Variants in TENM3 observed in about 807,000 individuals in gnomAD.
TENM3 encodes the protein teneurin transmembrane protein 3.
Under a neutral mutation model 255.1 loss-of-function variants are expected in TENM3, and 63 were observed. The observed-to-expected ratio is 0.25, with a 90% CI of 0.20 to 0.30. The LOEUF is 0.30. Among genes scored for constraint, TENM3 ranks in the 10% least tolerant of loss-of-function variants. The pLI, the probability that TENM3 is intolerant of heterozygous loss-of-function variation, is 1.00. For synonymous variants in TENM3, 1,306 were observed against 1,322.3 expected (o/e 0.99, Z 0.27); for missense variants, 2,929 against 3,461.1 (o/e 0.85, Z 3.86).
intron 3 of TENM3, among the ~76,000 whole-genome samples, chr4:182,456,948 C>T (rs757358267): frequency 1.4e-4 from 21 of 151,994 alleles, no homozygotes; most frequent in Non-Finnish European, 2.8e-4. Flanking sequence ...ATTGGGAGGC[C>T]GAGGCAAGTG....
At chr4:182,471,802 A>G (rs778413762) in intron 3 of TENM3, among the ~76,000 whole-genome samples, 1 of 152,186 alleles carries the variant, frequency 6.6e-6, no homozygotes, top group Non-Finnish European at 1.5e-5. Context: ...AGTACATCAT[A>G]TGTCTTATTC....
intron 4 of TENM3, among the ~76,000 whole-genome samples, chr4:182,602,185 G>A (rs1383894556): frequency 6.6e-6 from 1 of 152,198 alleles, no homozygotes; most frequent in Non-Finnish European, 1.5e-5. Context: ...TCTTCTGTTG[G>A]CAGCTTTGCG....
In TENM3 at chr4:182,524,898, A is replaced by G. The variant is rs559562705; in HGVS notation, c.512-76026A>G. Among the ~76,000 whole-genome samples, 7 of 151,876 alleles carry G rather than the reference A, an allele frequency of 4.6e-5. 1 individual carries two copies. The South Asian group carries it at 1.5e-3, about 32-fold the overall frequency. On this transcript the variant is annotated intron_variant, in intron 3 of 27. Transcript: ENST00000511685. ...AAACTACCTGGGCCTGGTGGCGCGC[A>G]CCTGTGGTACGGTCCCAGCTACACA...
At chr4:182,022,796 T>A in the TENM3 span, among the ~76,000 whole-genome samples, 1 of 152,172 alleles carries the variant, frequency 6.6e-6, no homozygotes, top group Non-Finnish European at 1.5e-5. Context: ...TCATGAAATG[T>A]CAGATTTTGG....
At chr4:182,372,645 T>C (rs1406329623) in intron 3 of TENM3, among the ~76,000 whole-genome samples, 2 of 151,984 alleles carry the variant, frequency 1.3e-5, no homozygotes, top group Non-Finnish European at 2.9e-5. Flanking sequence ...ACCTGTCCCA[T>C]GCTGAACAAA....
the TENM3 span, among the ~76,000 whole-genome samples, chr4:182,027,089 G>A: frequency 2.5e-4 from 38 of 151,872 alleles, no homozygotes; most frequent in African/African-American, 9.2e-4. Context: ...CCAATCCATG[G>A]TGGAAGAATT....
chr4:182,341,496 C>T (rs1472012693), intron 2 of TENM3, among the ~76,000 whole-genome samples: 2 of 152,176 alleles, frequency 1.3e-5, no homozygotes, highest in South Asian at 2.1e-4. Context: ...TATATACAAA[C>T]GAGCTTCCCT....
chr4:181,962,283 G>T, the TENM3 span, among the ~76,000 whole-genome samples: 1 of 152,186 alleles, frequency 6.6e-6, no homozygotes, highest in Non-Finnish European at 1.5e-5. Context: ...CGTCAGCCAG[G>T]ATCCAAATTC....
chr4:182,665,666 C>T lies in TENM3; in HGVS notation c.1112-7339C>T, dbSNP rs556544382. Among the ~76,000 whole-genome samples the T allele has an allele frequency of 4.6e-4, 70 of 152,150 alleles. 1 individual carries two copies. Among genetic ancestry groups the T allele is most frequent in the African/African-American group, 1.6e-3 (66 of 41,528 alleles). On this transcript the variant is annotated intron_variant, in intron 6 of 27. Coordinates refer to ENST00000511685, the MANE Select transcript of TENM3 (RefSeq NM_001080477.4). The stretch of plus-strand genomic sequence containing the variant: ...ATCCCAGCACATTGGGAGGCTGAGG[C>T]GGGCGGATCACGAGGTCAGGAGATC...
chr4:181,476,216 T>TTTTTG, the TENM3 span, among the ~76,000 whole-genome samples: 5 of 151,210 alleles, frequency 3.3e-5, no homozygotes, highest in South Asian at 6.3e-4. Context: ...GTTTTTTTTT[T>TTTTTG]TTTTTTTTGA....
At chr4:182,606,324 G>A (rs1748418483) in intron 4 of TENM3, among the ~76,000 whole-genome samples, 1 of 151,990 alleles carries the variant, frequency 6.6e-6, no homozygotes, top group African/African-American at 2.4e-5. Flanking sequence ...AGGAGTTTGA[G>A]ACCAGCCTGG....
the TENM3 span, among the ~76,000 whole-genome samples, chr4:181,516,586 G>A: frequency 6.6e-6 from 1 of 151,996 alleles, no homozygotes; most frequent in African/African-American, 2.4e-5. Context: ...TTTGAGACCA[G>A]CCTGACCAAC....
chr4:181,966,648 C>A, the TENM3 span, among the ~76,000 whole-genome samples: 85,469 of 151,950 alleles, frequency 0.56, 24,824 homozygotes, highest in African/African-American at 0.69. Flanking sequence ...GTAAAGGCTC[C>A]GAGAATGAAA....
At chr4:181,543,644 C>T in the TENM3 span, among the ~76,000 whole-genome samples, 1 of 152,200 alleles carries the variant, frequency 6.6e-6, no homozygotes, top group African/African-American at 2.4e-5. Flanking sequence ...ACTGCCAGGT[C>T]TTATAAATCC....
At chr4:182,049,992 T>C in the TENM3 span, among the ~76,000 whole-genome samples, 1 of 101,524 alleles carries the variant, frequency 9.8e-6, no homozygotes, top group Non-Finnish European at 2.5e-5. Flanking sequence ...TTTTTTTAAT[T>C]AAAAAAAAAT....
chr4:182,666,702 G>T (rs1436981952), intron 6 of TENM3, among the ~76,000 whole-genome samples: 1 of 152,046 alleles, frequency 6.6e-6, no homozygotes, highest in Non-Finnish European at 1.5e-5. Context: ...TTTTAGACCA[G>T]CCTAGACGAC....
chr4:181,842,405 C>A, the TENM3 span, among the ~76,000 whole-genome samples: 2 of 152,144 alleles, frequency 1.3e-5, no homozygotes, highest in African/African-American at 4.8e-5. Flanking sequence ...TCATTCTCTT[C>A]TTTTATTCTT....
chr4:181,880,265 A>G, the TENM3 span, among the ~76,000 whole-genome samples: 1 of 152,208 alleles, frequency 6.6e-6, no homozygotes, highest in Non-Finnish European at 1.5e-5. Context: ...TAAAACGAAG[A>G]TGATACTCCT....
chr4:182,351,504 A>C (rs889222646), intron 3 of TENM3, among the ~76,000 whole-genome samples: 3 of 152,082 alleles, frequency 2.0e-5, no homozygotes, highest in African/African-American at 7.2e-5. Flanking sequence ...CAACTCTTGC[A>C]TGCCTTGTCT....
Sources: allele counts gnomAD v4.1 joint callset (sites outside exome capture counted in the v4.1 genomes callset), GRCh38; gene constraint gnomAD v4.1.1; transcripts MANE v1.5; gene names NCBI Gene and HGNC (gene_info 2026-07-23, HGNC 2026-07-21).